Variants in ZNF782 observed in about 807,000 individuals in gnomAD.
ZNF782 encodes the protein zinc finger protein 782.
Under a neutral mutation model 13.0 loss-of-function variants are expected in ZNF782, and 12 were observed. That is an observed-to-expected ratio of 0.92 (90% confidence interval 0.59 to 1.50). The LOEUF (loss-of-function observed/expected upper bound fraction) is 1.50, where lower values mean the gene tolerates loss of function less well. Among genes scored for constraint, ZNF782 ranks in the 40% most tolerant of loss-of-function variants. ZNF782 has a pLI of 0.00. For synonymous variants in ZNF782, 284 were observed against 283.0 expected, an observed-to-expected ratio of 1.00 and a Z score of -0.04; for missense variants, 770 against 822.9, an observed-to-expected ratio of 0.94 and a Z score of 0.79.
Position 96,819,720 on chromosome 9 carries a change from C to T in ZNF782, c.303G>A (p.Leu101=). The change falls in exon 6 of 6, where the codon TTG becomes TTA. Residue 101 remains leucine, a synonymous_variant. Coordinates refer to ENST00000481138, the MANE Select transcript of ZNF782 (RefSeq NM_001001662.3). Reference sequence around the variant, plus strand: ...ATTTATTGGTGAATAAAACTTGCAACAAATGTTTGCCTTGATTTTCTGGGC... The same window carrying T: ...ATTTATTGGTGAATAAAACTTGCAATAAATGTTTGCCTTGATTTTCTGGGC... ...EKSPENQGKH[L]LQVLFTNKLL... The T allele has an allele frequency of 1.2e-6, 2 of 1,612,114 alleles. No homozygotes were observed. The highest frequency in any genetic ancestry group is 1.7e-6 in the Non-Finnish European group (2 of 1,179,452).
chr9:96,849,353 C>G (rs190287819), intron 3 of ZNF782, among the ~76,000 whole-genome samples: 114 of 152,278 alleles, frequency 7.5e-4, no homozygotes, highest in African/African-American at 2.5e-3. Context: ...GCTTACTAGC[C>G]TGCTGCTTAC....
intron 3 of ZNF782, among the ~76,000 whole-genome samples, chr9:96,849,912 C>A (rs1384188233): frequency 1.3e-5 from 2 of 152,102 alleles, no homozygotes; most frequent in African/African-American, 4.8e-5. Flanking sequence ...AAAAAATGCT[C>A]AACATCGCTA....
chr9:96,918,639 T>C, the ZNF782 span: 1 of 153,046 alleles, frequency 6.5e-6, no homozygotes, highest in Non-Finnish European at 1.4e-5. Context: ...AGCAGTTCAC[T>C]CACCGGTGCT....
the ZNF782 span, among the ~76,000 whole-genome samples, chr9:96,930,756 C>T: frequency 6.7e-6 from 1 of 150,374 alleles, no homozygotes; most frequent in Non-Finnish European, 1.5e-5. Flanking sequence ...AATCTGACCC[C>T]TATTTAACAC....
intron 4 of ZNF782, among the ~76,000 whole-genome samples, chr9:96,831,033 C>T (rs184121517): frequency 2.2e-4 from 33 of 152,136 alleles, no homozygotes; most frequent in Admixed American, 7.2e-4. Flanking sequence ...AACAGACTAA[C>T]GCCACAGGGA....
chr9:96,876,608 C>T (rs1012211624), upstream of ZNF782, among the ~76,000 whole-genome samples: 4 of 152,094 alleles, frequency 2.6e-5, no homozygotes, highest in African/African-American at 9.7e-5. Context: ...CGGAGCACAG[C>T]ATTACTATAA....
the ZNF782 span, among the ~76,000 whole-genome samples, chr9:96,927,876 TAAAG>T: frequency 2.0e-5 from 3 of 150,052 alleles, no homozygotes; most frequent in Admixed American, 2.0e-4. Context: ...CCTACAGAAA[TAAAG>T]AGAGGAACCA....
upstream of ZNF782, among the ~76,000 whole-genome samples, chr9:96,877,259 C>G (rs1411113041): frequency 6.6e-6 from 1 of 152,232 alleles, no homozygotes; most frequent in East Asian, 1.9e-4. Flanking sequence ...AGTGCGATCC[C>G]CGTGAACACA....
At chr9:96,932,018 G>T in the ZNF782 span, 1 of 1,610,078 alleles carries the variant, frequency 6.2e-7, no homozygotes, top group East Asian at 2.2e-5. Context: ...CCTAACTCAG[G>T]CCCCCCTCGT....
the ZNF782 span, chr9:96,898,035 C>A: frequency 6.7e-6 from 1 of 150,298 alleles, no homozygotes; most frequent in African/African-American, 2.5e-5. Flanking sequence ...CAGGTCCCAG[C>A]CAGCTGACAA....
At chr9:96,902,114 G>A in the ZNF782 span, among the ~76,000 whole-genome samples, 9 of 151,852 alleles carry the variant, frequency 5.9e-5, no homozygotes, top group South Asian at 2.1e-4. Flanking sequence ...TTAGGAGAAC[G>A]GTCTATGAGG....
At chr9:96,912,425 C>T in the ZNF782 span, among the ~76,000 whole-genome samples, 5 of 144,580 alleles carry the variant, frequency 3.5e-5, no homozygotes, top group African/African-American at 1.3e-4. Flanking sequence ...ACTCGGGAGG[C>T]GGACATTGCA....
At chr9:96,911,166 G>A in the ZNF782 span, among the ~76,000 whole-genome samples, 6,770 of 145,202 alleles carry the variant, frequency 0.047, 73 homozygotes, top group African/African-American at 0.15. Flanking sequence ...AGGGCCAGGC[G>A]CGGTGGCTCA....
the ZNF782 span, among the ~76,000 whole-genome samples, chr9:96,920,578 T>TA: frequency 6.8e-6 from 1 of 147,984 alleles, no homozygotes; most frequent in South Asian, 2.1e-4. Flanking sequence ...AAACCATTTT[T>TA]AAAAAAATAA....
chr9:96,913,955 C>T, the ZNF782 span, among the ~76,000 whole-genome samples: 1 of 145,568 alleles, frequency 6.9e-6, no homozygotes, highest in Non-Finnish European at 1.5e-5. Context: ...GCCTGGGCAA[C>T]ACAGCGAGAC....
chr9:96,931,539 G>C, the ZNF782 span, among the ~76,000 whole-genome samples: 1 of 151,374 alleles, frequency 6.6e-6, no homozygotes, highest in Non-Finnish European at 1.5e-5. Context: ...ACTGGCGCCA[G>C]GCTCTCTAGT....
chr9:96,823,615 C>T (rs979862363), intron 5 of ZNF782, among the ~76,000 whole-genome samples: 2 of 152,054 alleles, frequency 1.3e-5, no homozygotes, highest in African/African-American at 4.8e-5. Flanking sequence ...TAAAGTATTC[C>T]AAGATTACGC....
chr9:96,912,288 AGGCTAAGGC>A, the ZNF782 span, among the ~76,000 whole-genome samples: 1 of 123,052 alleles, frequency 8.1e-6, no homozygotes, highest in South Asian at 2.7e-4. Context: ...TTTTTCTGGG[AGGCTAAGGC>A]GGGCAGATCA....
rs144548430 is a variant in ZNF782 at position 96,819,128 on chromosome 9, G to A, written c.895C>T (p.His299Tyr). ...TGGKSFSQKSHIREHHRVHIG... is the reference protein window; with the variant it reads ...TGGKSFSQKSYIREHHRVHIG... The stretch of plus-strand genomic sequence containing the variant: ...TGAACTCTATGATGTTCTCTAATGT[G>A]TGACTTTTGGCTGAAGGATTTCCCT... The change falls in exon 6 of 6, where the codon CAC becomes TAC. Residue 299 changes from histidine to tyrosine, a missense_variant. Physicochemically the swap from His to Tyr is moderately conservative, Grantham distance 83. Transcript: ENST00000481138. The A allele has an allele frequency of 3.7e-6, 6 of 1,613,676 alleles. No homozygotes were observed. Among genetic ancestry groups the A allele is most frequent in the Non-Finnish European group, 5.1e-6 (6 of 1,179,934 alleles).
Sources: gnomAD v4.1 joint callset for allele counts (sites outside exome capture counted in the v4.1 genomes callset) on GRCh38, gnomAD v4.1.1 for gene constraint, MANE v1.5 for transcripts, NCBI Gene and HGNC (gene_info 2026-07-23, HGNC 2026-07-21) for gene names.